Variants in DNAAF5 observed in about 807,000 individuals in gnomAD.
DNAAF5 encodes dynein axonemal assembly factor 5, also known as HEAT repeat containing 2.
Under a neutral mutation model 75.8 loss-of-function variants are expected in DNAAF5, and 64 were observed. That is an observed-to-expected ratio of 0.84 (90% CI 0.69 to 1.04). DNAAF5 has a LOEUF of 1.04. DNAAF5 is among the 50% of genes least tolerant of loss of function. DNAAF5 has a pLI of 0.00. For synonymous variants in DNAAF5, 657 were observed against 557.2 expected, an observed-to-expected ratio of 1.18 and a Z score of -2.52; for missense variants, 1,269 against 1,178.5, an observed-to-expected ratio of 1.08 and a Z score of -1.12.
At chr7:767,304 G>A (rs1010010408) in intron 8 of DNAAF5, among the ~76,000 whole-genome samples, 4 of 125,262 alleles carry the variant, frequency 3.2e-5, no homozygotes, top group Non-Finnish European at 6.9e-5. Flanking sequence ...TGAAATAGCT[G>A]CTGCCTAGGG....
In DNAAF5 at chr7:763,887, C is replaced by G. The variant is rs763614180; in HGVS notation, c.1696C>G (p.Leu566Val). Residue 566 changes from leucine to valine, a missense_variant, in exon 8 of 13, where the codon CTC (leucine) becomes GTC (valine). By Grantham distance (32) the Leu-to-Val change is conservative. Coordinates refer to ENST00000297440, the MANE Select transcript of DNAAF5 (RefSeq NM_017802.4). Reference protein sequence around the residue: ...QDLYRKHIGPLLERVTASHLD... With the variant: ...QDLYRKHIGPVLERVTASHLD... ...CCTCTACCGCAAGCACATTGGTCCC[C>G]TCCTGGAGCGGGTGACCGCGTCGCA... is the stretch of plus-strand genomic sequence containing the variant. 1 of 1,613,170 alleles carries G rather than the reference C, an allele frequency of 6.2e-7. No homozygotes were observed.
chr7:783,202 C>T (rs1394118355), intron 12 of DNAAF5, among the ~76,000 whole-genome samples: 2 of 152,248 alleles, frequency 1.3e-5, no homozygotes, highest in African/African-American at 2.4e-5. Context: ...CACTGCTCGT[C>T]CGTCCGCCAT....
At chr7:782,928 G>A (rs7788710) in intron 12 of DNAAF5, among the ~76,000 whole-genome samples, 12 of 152,002 alleles carry the variant, frequency 7.9e-5, no homozygotes, top group African/African-American at 1.5e-4. Flanking sequence ...CCTCCCCTCC[G>A]GCGGCATCAG....
chr7:782,974 C>A (rs1039125631), intron 12 of DNAAF5, among the ~76,000 whole-genome samples: 3 of 152,272 alleles, frequency 2.0e-5, no homozygotes, highest in African/African-American at 7.2e-5. Flanking sequence ...GCTCTTGTTA[C>A]GCAACGTCAG....
At chr7:731,087 C>G (rs1403212648) in intron 2 of DNAAF5, among the ~76,000 whole-genome samples, 1 of 152,188 alleles carries the variant, frequency 6.6e-6, no homozygotes, top group Non-Finnish European at 1.5e-5. Context: ...GTGCAGGCGG[C>G]CGGCTGGTTT....
At chr7:773,326 C>T (rs1778635737) in intron 9 of DNAAF5, among the ~76,000 whole-genome samples, 1 of 152,252 alleles carries the variant, frequency 6.6e-6, no homozygotes, top group South Asian at 2.1e-4. Context: ...GTGCAGGCTT[C>T]ACGGACGCTG....
At chr7:774,942 G>A in intron 10 of DNAAF5, 64 bp from the exon 11 acceptor site, 1 of 1,509,214 alleles carries the variant, frequency 6.6e-7, no homozygotes, top group Admixed American at 1.7e-5. Flanking sequence ...TGCACGGATG[G>A]TGAGCACCCC....
chr7:742,075 C>T (rs1032347413), intron 4 of DNAAF5, among the ~76,000 whole-genome samples: 1 of 152,218 alleles, frequency 6.6e-6, no homozygotes. Context: ...TGAGTGGAGG[C>T]TCCCAGGTCC....
At chr7:736,030 G>A (rs1343396155) in intron 2 of DNAAF5, among the ~76,000 whole-genome samples, 3 of 152,102 alleles carry the variant, frequency 2.0e-5, no homozygotes, top group Non-Finnish European at 4.4e-5. Flanking sequence ...GGTCATTCAG[G>A]AGCATATTAT....
At chr7:769,337 T>C (rs975126546) in intron 8 of DNAAF5, 4 of 635,284 alleles carry the variant, frequency 6.3e-6, no homozygotes, top group Non-Finnish European at 1.1e-5. Context: ...AGGCTGAGCC[T>C]GGCAGGAGAC....
intron 2 of DNAAF5, among the ~76,000 whole-genome samples, chr7:731,611 C>T (rs1018320554): frequency 1.1e-4 from 17 of 152,172 alleles, no homozygotes; most frequent in African/African-American, 3.1e-4. Context: ...ACATGCAGCC[C>T]GGGACGGCTT....
intron 5 of DNAAF5, among the ~76,000 whole-genome samples, chr7:755,338 G>A (rs1450235067): frequency 6.6e-6 from 1 of 152,136 alleles, no homozygotes; most frequent in African/African-American, 2.4e-5. Context: ...TCACCACTGG[G>A]TACGCACGAG....
intron 2 of DNAAF5, among the ~76,000 whole-genome samples, chr7:730,646 T>C (rs1781534439): frequency 6.6e-6 from 1 of 152,166 alleles, no homozygotes; most frequent in African/African-American, 2.4e-5. Context: ...GGTCCACCCG[T>C]AGGGCCGGCT....
rs749017071 is a variant in DNAAF5 at position 780,002 on chromosome 7, C to T, written c.2289C>T (p.Ala763=). 2.2e-5 allele frequency: 35 copies of T among 1,614,096 alleles called. No homozygotes were observed. Among genetic ancestry groups the T allele is most frequent in the Admixed American group, 3.3e-5 (2 of 60,012 alleles). The change falls in exon 12 of 13, where the codon GCC becomes GCT. Residue 763 remains alanine, a synonymous_variant. Coordinates refer to ENST00000297440, the MANE Select transcript of DNAAF5 (RefSeq NM_017802.4). ...TGTCCAACGATGTGAGGATGGCAGC[C>T]GCCTCCACCTTGGTCACCTGGCTGC... ...DDVSNDVRMA[A]ASTLVTWLQC... is the part of the protein sequence containing the mutation.
At chr7:784,209 G>A (rs1779076424) in intron 12 of DNAAF5, among the ~76,000 whole-genome samples, 1 of 152,194 alleles carries the variant, frequency 6.6e-6, no homozygotes, top group Non-Finnish European at 1.5e-5. Flanking sequence ...GGACGCCCGT[G>A]CTCAGTCTCT....
intron 1 of DNAAF5, among the ~76,000 whole-genome samples, chr7:728,445 G>A (rs1259659412): frequency 6.6e-6 from 1 of 152,174 alleles, no homozygotes; most frequent in Non-Finnish European, 1.5e-5. Context: ...CAGCTGCGTG[G>A]AGAATAGATT....
At chr7:732,299 G>C (rs1333938922) in intron 2 of DNAAF5, among the ~76,000 whole-genome samples, 1 of 152,254 alleles carries the variant, frequency 6.6e-6, no homozygotes, top group Admixed American at 6.5e-5. Context: ...ACCACACCCA[G>C]AACCCCGGCG....
intron 8 of DNAAF5, among the ~76,000 whole-genome samples, chr7:765,471 G>T (rs149617947): frequency 1.3e-5 from 2 of 152,166 alleles, no homozygotes; most frequent in African/African-American, 4.8e-5. Context: ...CACAAACCCC[G>T]AGAGACGTGG....
chr7:752,419 G>A (rs1364493081), intron 4 of DNAAF5, among the ~76,000 whole-genome samples: 1 of 147,714 alleles, frequency 6.8e-6, no homozygotes, highest in Non-Finnish European at 1.5e-5. Context: ...TCAAAAGACT[G>A]CAGAGTGACG....
Sources: allele counts gnomAD v4.1 joint callset (sites outside exome capture counted in the v4.1 genomes callset), GRCh38; gene constraint gnomAD v4.1.1; transcripts MANE v1.5; gene names NCBI Gene and HGNC (gene_info 2026-07-23, HGNC 2026-07-21).